The following ATAD2B variants were observed in gnomAD, a reference collection of about 807,000 sequenced individuals.
ATAD2B encodes the protein ATPase family AAA domain containing 2B, also known as ATPase family AAA domain-containing protein 2B.
Under a neutral mutation model 167.6 loss-of-function variants are expected in ATAD2B, and 40 were observed. That is an observed-to-expected ratio of 0.24 (90% confidence interval 0.19 to 0.31). The LOEUF (loss-of-function observed/expected upper bound fraction) is 0.31. Ranked by LOEUF, ATAD2B falls within the 10% of genes least tolerant of loss-of-function variation. The pLI is 1.00. For synonymous variants in ATAD2B, 579 were observed against 596.5 expected (o/e 0.97, Z 0.43); for missense variants, 1,242 against 1,757.2 (o/e 0.71, Z 5.24).
the ATAD2B span, among the ~76,000 whole-genome samples, chr2:23,738,451 G>T: frequency 6.6e-6 from 1 of 152,142 alleles, no homozygotes; most frequent in Non-Finnish European, 1.5e-5. Flanking sequence ...GCCAAACTAA[G>T]CTTCATAAGT....
chr2:23,678,560 T>C, the ATAD2B span, among the ~76,000 whole-genome samples: 2 of 152,164 alleles, frequency 1.3e-5, no homozygotes, highest in African/African-American at 2.4e-5. Flanking sequence ...AGGCCTGACC[T>C]AGATCTGCTG....
intron 15 of ATAD2B, among the ~76,000 whole-genome samples, chr2:23,824,237 C>A (rs1414926652): frequency 6.6e-6 from 1 of 152,218 alleles, no homozygotes; most frequent in African/African-American, 2.4e-5. Context: ...GCTGGGATTA[C>A]AGGCCTGAGC....
chr2:23,829,598 T>C (rs1371745665), intron 14 of ATAD2B, among the ~76,000 whole-genome samples: 1 of 151,998 alleles, frequency 6.6e-6, no homozygotes, highest in Non-Finnish European at 1.5e-5. Flanking sequence ...AAAAAAATTG[T>C]TTTTTAATTA....
Position 23,819,727 on chromosome 2 carries a change from A to T in ATAD2B, c.2267+20T>A. 2 of 1,557,852 alleles carry T rather than the reference A, an allele frequency of 1.3e-6. No homozygotes were observed. The highest frequency in any genetic ancestry group is 1.7e-6 in the Non-Finnish European group (2 of 1,144,708). ...CAAAAATCACTCTAAATACAAAGAA[A>T]GTTGATATAAATCACTCACATTGTA... is the stretch of plus-strand genomic sequence containing the variant. On this transcript the variant is annotated intron_variant, in intron 17 of 27. Transcript: ENST00000238789.
chr2:23,744,558 C>G (rs1360436193), downstream of ATAD2B, among the ~76,000 whole-genome samples: 8 of 152,174 alleles, frequency 5.3e-5, no homozygotes, highest in Non-Finnish European at 2.9e-5. Flanking sequence ...TATATTCACT[C>G]AAATATGTAA....
At chr2:23,857,965 G>A (rs946335577) in intron 12 of ATAD2B, among the ~76,000 whole-genome samples, 2 of 151,652 alleles carry the variant, frequency 1.3e-5, no homozygotes, top group African/African-American at 2.4e-5. Context: ...GGATGGTCTC[G>A]ATCTCCTGAC....
intron 18 of ATAD2B, among the ~76,000 whole-genome samples, chr2:23,799,590 G>A (rs9309161): frequency 0.69 from 90,624 of 132,160 alleles, 31,605 homozygotes; most frequent in East Asian, 0.84. Flanking sequence ...AAAAAAAAAA[G>A]AAAAGAAAAA....
Position 23,901,476 on chromosome 2 carries a change from T to G in ATAD2B, c.217-5506A>C, listed in dbSNP as rs149055050. Among the ~76,000 whole-genome samples the G allele has an allele frequency of 3.5e-3, 540 of 152,218 alleles. 3 individuals are homozygous for G. The highest frequency in any genetic ancestry group is 0.012 in the African/African-American group (510 of 41,544). ...GCACTTGATTATTTCAACTTAGCAT[T>G]ATATATTTATCATCTTTAAAGTGTC... On this transcript the variant is annotated intron_variant, in intron 1 of 27. Coordinates refer to ENST00000238789, the MANE Select transcript of ATAD2B (RefSeq NM_017552.4).
chr2:23,832,120 C>T (rs755278659), intron 14 of ATAD2B: 1 of 414,976 alleles, frequency 2.4e-6, no homozygotes, highest in Admixed American at 2.9e-5. Flanking sequence ...CTTAGCAACA[C>T]GTGACATGGT....
At chr2:23,706,253 G>A in the ATAD2B span, among the ~76,000 whole-genome samples, 2 of 152,182 alleles carry the variant, frequency 1.3e-5, no homozygotes, top group Non-Finnish European at 2.9e-5. Flanking sequence ...GGGAGGGAGC[G>A]CCTTCTGCCG....
At chr2:23,791,658 T>C (rs910114597) in intron 19 of ATAD2B, among the ~76,000 whole-genome samples, 1 of 152,232 alleles carries the variant, frequency 6.6e-6, no homozygotes, top group Admixed American at 6.5e-5. Context: ...ATTTGTCCTA[T>C]GACTAAGTTA....
At chr2:23,835,994 C>T (rs1689884746) in intron 13 of ATAD2B, among the ~76,000 whole-genome samples, 1 of 151,916 alleles carries the variant, frequency 6.6e-6, no homozygotes. Context: ...TTGTCAGGGT[C>T]GCTTTTCTGG....
At chr2:23,828,594 G>A (rs550749713) in intron 15 of ATAD2B, among the ~76,000 whole-genome samples, 38 of 152,242 alleles carry the variant, frequency 2.5e-4, no homozygotes, top group Admixed American at 2.3e-3. Context: ...TTAATATTAT[G>A]GATACCCAGC....
At chr2:23,914,369 T>A (rs573990279) in intron 1 of ATAD2B, among the ~76,000 whole-genome samples, 3 of 151,872 alleles carry the variant, frequency 2.0e-5, no homozygotes, top group African/African-American at 7.2e-5. Flanking sequence ...AAAATAATAA[T>A]AAAATAGGAA....
At chr2:23,864,083 C>T (rs1472612231) in intron 11 of ATAD2B, among the ~76,000 whole-genome samples, 2 of 151,364 alleles carry the variant, frequency 1.3e-5, no homozygotes, top group Non-Finnish European at 2.9e-5. Flanking sequence ...CGGCTCACTA[C>T]AACCTCCGCT....
chr2:23,902,483 T>C (rs1249697686), intron 1 of ATAD2B, among the ~76,000 whole-genome samples: 1 of 152,208 alleles, frequency 6.6e-6, no homozygotes, highest in African/African-American at 2.4e-5. Context: ...TCACCCTTAA[T>C]AGGATGATCA....
chr2:23,855,379 A>C (rs2149950298), intron 13 of ATAD2B, among the ~76,000 whole-genome samples: 1 of 152,350 alleles, frequency 6.6e-6, no homozygotes, highest in East Asian at 1.9e-4. Context: ...TATTACTATT[A>C]ATGCAAATTA....
At chr2:23,792,982 A>AAAC (rs1682035845) in intron 19 of ATAD2B, among the ~76,000 whole-genome samples, 1 of 150,582 alleles carries the variant, frequency 6.6e-6, no homozygotes, top group African/African-American at 2.4e-5. Context: ...AAAAAAAAAA[A>AAAC]AAAAAAAACT....
downstream of ATAD2B, among the ~76,000 whole-genome samples, chr2:23,746,108 G>C (rs768728794): frequency 2.0e-5 from 3 of 152,264 alleles, no homozygotes; most frequent in East Asian, 1.9e-4. Flanking sequence ...CTTGAGGTTA[G>C]GTTACATGCT....
Sources: allele counts gnomAD v4.1 joint callset (sites outside exome capture counted in the v4.1 genomes callset), GRCh38; gene constraint gnomAD v4.1.1; transcripts MANE v1.5; gene names NCBI Gene and HGNC (gene_info 2026-07-23, HGNC 2026-07-21).